Variants in PDZRN4 observed in about 807,000 individuals in gnomAD.
The protein encoded by PDZRN4 is PDZ domain containing ring finger 4, also known as PDZ domain-containing RING finger protein 4.
A neutral mutation model predicts 99.0 loss-of-function variants in PDZRN4; 70 were observed. That is an observed-to-expected ratio of 0.71 (90% CI 0.58 to 0.86). The LOEUF (loss-of-function observed/expected upper bound fraction) is 0.86. Among genes scored for constraint, PDZRN4 ranks in the 40% least tolerant of loss-of-function variants. PDZRN4 has a pLI of 0.00. For missense variants in PDZRN4, 1,474 were observed against 1,331.2 expected (o/e 1.11, Z -1.67); for synonymous variants, 551 against 501.6 (o/e 1.10, Z -1.32).
At position 41,460,854 on chromosome 12, in the gene PDZRN4, C is replaced by T. The variant is rs1194322763; in HGVS notation, c.844-45602C>T. Among the ~76,000 whole-genome samples, 3 of 152,312 alleles carry T rather than the reference C, an allele frequency of 2.0e-5. No individual in the cohort carries two copies. In the East Asian group the frequency reaches 5.8e-4, roughly 29 times the overall value. The stretch of plus-strand genomic sequence containing the variant: ...ATGAATAAGTTCATGGGAAATGTGT[C>T]TGTCATGAGTAGAACACTTTCATGT... On this transcript the variant is annotated intron_variant, in intron 3 of 9. Coordinates refer to ENST00000402685, the MANE Select transcript of PDZRN4 (RefSeq NM_001164595.2).
At chr12:41,197,885 TTTC>T (rs145882107) in intron 3 of PDZRN4, among the ~76,000 whole-genome samples, 85,928 of 136,992 alleles carry the variant, frequency 0.63, 27,675 homozygotes, top group South Asian at 0.72. Context: ...TCTTTCTTTC[TTTC>T]TTCTTCTTCT....
intron 3 of PDZRN4, among the ~76,000 whole-genome samples, chr12:41,352,718 C>T (rs529462658): frequency 5.9e-5 from 9 of 152,074 alleles, no homozygotes; most frequent in African/African-American, 2.2e-4. Flanking sequence ...AATTTAAAAC[C>T]AACTTCCAGG....
Position 41,194,186 on chromosome 12 carries a change from G to A in PDZRN4, c.841G>A (p.Glu281Lys), listed in dbSNP as rs368797284. The change falls in exon 3 of 10, where the codon GAG becomes AAG. Residue 281 changes from glutamate (E) to lysine (K), a missense_variant and splice_region_variant. Physicochemically the swap from Glu to Lys is moderately conservative, Grantham distance 56 (BLOSUM62 1). Transcript: ENST00000402685. ...CCTGGAGATTCATGACAAAATCATGGAGGTAAGACAATGATAAAACATGTA... is the reference window on the plus strand; with the variant it reads ...CCTGGAGATTCATGACAAAATCATGAAGGTAAGACAATGATAAAACATGTA... ...DGLEIHDKIM[E>K]VNGKDLSKAT... 5.8e-6 allele frequency: 8 copies of A among 1,375,874 alleles called. No individual in the cohort carries two copies. The African/African-American group carries it at 8.5e-5, about 15-fold the overall frequency. 85.2% of individuals were successfully genotyped at this position (1,375,874 alleles called of 1,614,324 possible).
At chr12:41,376,320 T>C (rs1206528975) in intron 3 of PDZRN4, among the ~76,000 whole-genome samples, 1 of 152,196 alleles carries the variant, frequency 6.6e-6, no homozygotes, top group Non-Finnish European at 1.5e-5. Context: ...CCATAATGGT[T>C]GTACCAATTT....
intron 3 of PDZRN4, among the ~76,000 whole-genome samples, chr12:41,208,650 A>AT (rs893060631): frequency 7.9e-5 from 12 of 151,600 alleles, no homozygotes; most frequent in Admixed American, 2.6e-4. Context: ...AGAAGAATAT[A>AT]TTTTTTTTGT....
intron 3 of PDZRN4, among the ~76,000 whole-genome samples, chr12:41,478,897 G>A (rs1186063874): frequency 6.6e-6 from 1 of 152,062 alleles, no homozygotes; most frequent in East Asian, 1.9e-4. Context: ...CACATAAAAT[G>A]ACAAAGCTTC....
chr12:41,534,909 C>T (rs1938724393), intron 5 of PDZRN4, among the ~76,000 whole-genome samples: 1 of 151,960 alleles, frequency 6.6e-6, no homozygotes, highest in Non-Finnish European at 1.5e-5. Flanking sequence ...CTACTATCTC[C>T]TAGTTTTTAT....
chr12:41,500,502 A>G (rs567967354), intron 3 of PDZRN4, among the ~76,000 whole-genome samples: 1 of 152,256 alleles, frequency 6.6e-6, no homozygotes, highest in African/African-American at 2.4e-5. Flanking sequence ...GCAATCTAAC[A>G]TTTCCTATGT....
At position 41,572,609 on chromosome 12, in the gene PDZRN4, A is replaced by G. The variant is rs1339083244; in HGVS notation, c.1830A>G (p.Glu610=). The G allele has an allele frequency of 3.7e-6, 6 of 1,614,064 alleles. No individual in the cohort carries two copies. Among genetic ancestry groups the G allele is most frequent in the South Asian group, 2.2e-5 (2 of 91,088 alleles). Residue 610 remains glutamate (E), a synonymous_variant, in exon 10 of 10, where the codon GAA becomes GAG. Transcript: ENST00000402685. ...ACAATGAGAGCCTCGTATCTGGTGA[A>G]TACATTGACTCAGACTGCATTGGCA... ...LQYNESLVSG[E]YIDSDCIGNP...
intron 3 of PDZRN4, among the ~76,000 whole-genome samples, chr12:41,499,855 A>G (rs1938080086): frequency 6.6e-6 from 1 of 152,042 alleles, no homozygotes; most frequent in African/African-American, 2.4e-5. Flanking sequence ...CTATTAACTA[A>G]ATGTAATAAT....
intron 3 of PDZRN4, among the ~76,000 whole-genome samples, chr12:41,355,358 T>A (rs1001020046): frequency 3.3e-5 from 5 of 152,012 alleles, no homozygotes; most frequent in African/African-American, 1.2e-4. Flanking sequence ...CCTACCCTTT[T>A]CTAGCAGTTA....
chr12:41,561,333 T>A (rs967019168), intron 7 of PDZRN4, among the ~76,000 whole-genome samples: 1 of 151,982 alleles, frequency 6.6e-6, no homozygotes, highest in Non-Finnish European at 1.5e-5. Context: ...ATAACAACAA[T>A]AACAATAGCA....
At chr12:41,232,860 A>C (rs1282733287) in intron 3 of PDZRN4, among the ~76,000 whole-genome samples, 1 of 152,170 alleles carries the variant, frequency 6.6e-6, no homozygotes, top group Non-Finnish European at 1.5e-5. Flanking sequence ...AAGTGTAAGG[A>C]AGGGATCCAG....
intron 6 of PDZRN4, among the ~76,000 whole-genome samples, chr12:41,553,348 C>T (rs1025815051): frequency 1.3e-5 from 2 of 152,158 alleles, no homozygotes; most frequent in Non-Finnish European, 1.5e-5. Context: ...GACTGTGAAG[C>T]AAATTGTATT....
chr12:41,194,456 G>A (rs1010484817), intron 3 of PDZRN4, among the ~76,000 whole-genome samples: 1 of 152,072 alleles, frequency 6.6e-6, no homozygotes, highest in East Asian at 1.9e-4. Context: ...GCAACATTGT[G>A]AGACTTCATC....
At chr12:41,255,404 G>T (rs764449984) in intron 3 of PDZRN4, among the ~76,000 whole-genome samples, 8 of 152,042 alleles carry the variant, frequency 5.3e-5, no homozygotes, top group Non-Finnish European at 1.2e-4. Flanking sequence ...AACCTTAACA[G>T]AAAGTTTTGT....
chr12:41,356,197 TG>T (rs1264802192), intron 3 of PDZRN4, among the ~76,000 whole-genome samples: 1 of 152,020 alleles, frequency 6.6e-6, no homozygotes, highest in Non-Finnish European at 1.5e-5. Flanking sequence ...CACTACATGC[TG>T]ACTAAATTAA....
At chr12:41,238,153 T>A (rs1220460931) in intron 3 of PDZRN4, among the ~76,000 whole-genome samples, 1 of 152,078 alleles carries the variant, frequency 6.6e-6, no homozygotes, top group Non-Finnish European at 1.5e-5. Flanking sequence ...CCTTGAGCAG[T>A]GGTTTGTAGT....
intron 3 of PDZRN4, among the ~76,000 whole-genome samples, chr12:41,466,972 G>A (rs1952932601): frequency 1.3e-5 from 2 of 152,120 alleles, no homozygotes; most frequent in Admixed American, 1.3e-4. Context: ...TTTGACAGTG[G>A]CTGCTGCTGC....
Sources: gnomAD v4.1 joint callset for allele counts (sites outside exome capture counted in the v4.1 genomes callset) on GRCh38, gnomAD v4.1.1 for gene constraint, MANE v1.5 for transcripts, NCBI Gene and HGNC (gene_info 2026-07-23, HGNC 2026-07-21) for gene names.